Variants in CCNA2 observed in about 807,000 individuals in gnomAD.
CCNA2 encodes cyclin-A2.
Under a neutral mutation model 49.4 loss-of-function variants are expected in CCNA2, and 3 were observed. That is an observed-to-expected ratio of 0.06 (90% CI 0.03 to 0.16). CCNA2 has a LOEUF of 0.16. Among genes scored for constraint, CCNA2 ranks in the 10% least tolerant of loss-of-function variants. The pLI, the probability that CCNA2 is intolerant of heterozygous loss-of-function variation, is 1.00. For missense variants in CCNA2, 372 were observed against 519.7 expected, an observed-to-expected ratio of 0.72 and a Z score of 2.76; for synonymous variants, 206 against 197.2, an observed-to-expected ratio of 1.04 and a Z score of -0.37.
At chr4:121,818,396 C>T (rs1724603109) in intron 6 of CCNA2, among the ~76,000 whole-genome samples, 1 of 152,144 alleles carries the variant, frequency 6.6e-6, no homozygotes, top group Admixed American at 6.5e-5. Flanking sequence ...ACCTTTCAAT[C>T]CAAGTTACAA....
chr4:121,819,633 T>A lies in CCNA2; in HGVS notation c.795-54A>T, dbSNP rs577233575. 125 of 1,228,868 alleles carry A rather than the reference T, an allele frequency of 1.0e-4. 1 individual carries two copies. The South Asian group carries it at 1.5e-3, about 15-fold the overall frequency. The allele number at this position is 1,228,868 out of a possible 1,614,324, so 76.1% of individuals were successfully genotyped here. A position where few individuals can be genotyped will look rare whatever the true frequency, so the allele number is the denominator to read the frequency against. On this transcript the variant is annotated intron_variant, in intron 4 of 7. Transcript: ENST00000274026. The stretch of plus-strand genomic sequence containing the variant: ...GTCCTAAAAGAGAAGCAAGCTTCCT[T>A]ATCCCAGTTCTGAAATCCCATTAGC...
chr4:121,817,028 G>C lies in CCNA2; in HGVS notation c.*610C>G. On this transcript the variant is annotated 3_prime_UTR_variant, in exon 8 of 8. Transcript: ENST00000274026. ...TAATAAACCTTCTGGAGCATTTCTC[G>C]TCTGTTAATTTGCATATAAGCTTCC... is the stretch of plus-strand genomic sequence containing the variant. The C allele has an allele frequency of 1.5e-6, 1 of 669,978 alleles. No individual in the cohort carries two copies. 41.5% of individuals were successfully genotyped at this position (669,978 alleles called of 1,614,324 possible). A position where few individuals can be genotyped will look rare whatever the true frequency, so the allele number is the denominator to read the frequency against.
At chr4:121,821,501 A>G (rs917157221) in intron 2 of CCNA2, among the ~76,000 whole-genome samples, 2 of 152,214 alleles carry the variant, frequency 1.3e-5, no homozygotes, top group African/African-American at 2.4e-5. Context: ...TCTGACATAT[A>G]TAAAGCACAA....
intron 7 of CCNA2, among the ~76,000 whole-genome samples, 154 bp from the exon 8 acceptor site, chr4:121,817,840 C>T (rs3217775): frequency 2.8e-4 from 42 of 152,174 alleles, no homozygotes; most frequent in African/African-American, 9.9e-4. Flanking sequence ...GTCCCTGAAA[C>T]ACACATGCAT....
Position 121,822,647 on chromosome 4 carries a change from C to A in CCNA2, c.214-1G>T. 1 of 1,608,864 alleles carries A rather than the reference C, an allele frequency of 6.2e-7. No individual in the cohort carries two copies. Among genetic ancestry groups the A allele is most frequent in the Non-Finnish European group, 8.5e-7 (1 of 1,178,148 alleles). On this transcript the variant is annotated splice_acceptor_variant, in intron 1 of 7. Coordinates refer to ENST00000274026, the MANE Select transcript of CCNA2 (RefSeq NM_001237.5). LOFTEE classifies it high-confidence loss of function. The stretch of plus-strand genomic sequence containing the variant: ...CAGGAAGATCCTTAAGGGGTGCAAC[C>A]TAAAAAAAAATTAATAACTGGCTTT...
chr4:121,821,326 G>A (rs1724688201), intron 2 of CCNA2, among the ~76,000 whole-genome samples: 1 of 151,346 alleles, frequency 6.6e-6, no homozygotes, highest in South Asian at 2.1e-4. Context: ...ATATTGGTAG[G>A]CCCCTAACAG....
chr4:121,818,672 CTATA>C (rs1168327960), intron 6 of CCNA2, 124 bp downstream of exon 6: 5 of 644,376 alleles, frequency 7.8e-6, no homozygotes, highest in Non-Finnish European at 1.4e-5. Flanking sequence ...CAAAGGTCAA[CTATA>C]TATATTTGAA....
chr4:121,817,556 A>G lies in CCNA2; in HGVS notation c.*82T>C. The stretch of plus-strand genomic sequence containing the variant: ...AACTTCTGTATTCAGAAATGATTGT[A>G]AAATTAAAACCTAAGTTAAAAACTG... On this transcript the variant is annotated 3_prime_UTR_variant, in exon 8 of 8. Transcript: ENST00000274026. 1 of 1,543,938 alleles carries G rather than the reference A, an allele frequency of 6.5e-7. No individual in the cohort carries two copies. Among genetic ancestry groups the G allele is most frequent in the Non-Finnish European group, 8.8e-7 (1 of 1,132,236 alleles).
chr4:121,823,248 G>A (rs200796080), intron 1 of CCNA2, among the ~76,000 whole-genome samples, 168 bp downstream of exon 1: 1 of 152,122 alleles, frequency 6.6e-6, no homozygotes, highest in Admixed American at 6.5e-5. Context: ...ATGCTAATAT[G>A]GGAGAACTCC....
In CCNA2 at chr4:121,820,438, ACT is replaced by A; in HGVS notation, c.794+102_794+103del. On this transcript the variant is annotated intron_variant, in intron 4 of 7. Transcript: ENST00000274026. The surrounding 1 kb of genome is among the most constrained non-coding windows in gnomAD (Gnocchi z 4.1). ...GCACATTGCCATCCCTAAAGTAGTCACTGACTCTGCCTGGTGTATGTTAAAAG... is the reference window on the plus strand; with the variant it reads ...GCACATTGCCATCCCTAAAGTAGTCAGACTCTGCCTGGTGTATGTTAAAAG... The A allele has an allele frequency of 1.3e-6, 1 of 757,312 alleles. No homozygotes were observed. Among genetic ancestry groups the A allele is most frequent in the Non-Finnish European group, 2.2e-6 (1 of 455,278 alleles). 46.9% of individuals were successfully genotyped at this position (757,312 alleles called of 1,614,324 possible).
intron 7 of CCNA2, 137 bp from the exon 8 acceptor site, chr4:121,817,823 C>A: frequency 7.9e-7 from 1 of 1,266,546 alleles, no homozygotes; most frequent in African/African-American, 1.5e-5. Context: ...TTTAGAAACA[C>A]TGTCTGGTCC....
Position 121,820,777 on chromosome 4 carries a change from ATTAT to A in CCNA2, c.571-16_571-13del, listed in dbSNP as rs1411799320. On this transcript the variant is annotated splice_polypyrimidine_tract_variant and intron_variant, in intron 3 of 7. Transcript: ENST00000274026. The surrounding 1 kb of genome is among the most constrained non-coding windows in gnomAD (Gnocchi z 4.1). ...GGTTTACATTTAACCTATTGAGAAA[ATTAT>A]TTATAGTGTTAAAATTATTCTAGTG... 2 of 1,552,988 alleles carry A rather than the reference ATTAT, an allele frequency of 1.3e-6. No individual in the cohort carries two copies. Among genetic ancestry groups the A allele is most frequent in the South Asian group, 2.3e-5 (2 of 86,926 alleles).
At chr4:121,819,008 G>A (rs1390492445) in intron 5 of CCNA2, 95 bp from the exon 6 acceptor site, 4 of 723,036 alleles carry the variant, frequency 5.5e-6, no homozygotes, top group South Asian at 1.6e-5. Context: ...CTTTGATAAC[G>A]GCTCTGTAGC....
At position 121,817,673 on chromosome 4, in the gene CCNA2, A is replaced by G. The variant is rs1724577013; in HGVS notation, c.1264T>C (p.Ser422Pro). The G allele has an allele frequency of 6.2e-7, 1 of 1,614,018 alleles. No individual in the cohort carries two copies. Among genetic ancestry groups the G allele is most frequent in the East Asian group, 2.2e-5 (1 of 44,868 alleles). The part of the protein sequence containing the change: ...KYKNSKYHGV[S>P]LLNPPETLNL ...AGTGTCTCTGGTGGGTTGAGGAGAG[A>G]AACACCATGATACCTGTAAGTAGGG... Residue 422 changes from serine to proline, a missense_variant, in exon 8 of 8, where the codon TCT (serine) becomes CCT (proline). Ser to Pro is a moderately conservative substitution (Grantham distance 74). Around this residue, in one of 2 missense-constraint regions of CCNA2, gnomAD observed 155 missense variants for 288.1 expected, o/e 0.54. Coordinates refer to ENST00000274026, the MANE Select transcript of CCNA2 (RefSeq NM_001237.5).
rs188678368 is a variant in CCNA2 at position 121,820,194 on chromosome 4, G to A, written c.794+348C>T. On this transcript the variant is annotated intron_variant, in intron 4 of 7. Transcript: ENST00000274026. The surrounding 1 kb of genome is among the most constrained non-coding windows in gnomAD (Gnocchi z 4.1). ...GACCTCAAGTGATCCGCCCACCTCGGCCTCCCAAAGTGCTGGGATTACAGG... is the reference window on the plus strand; with the variant it reads ...GACCTCAAGTGATCCGCCCACCTCGACCTCCCAAAGTGCTGGGATTACAGG... Among the ~76,000 whole-genome samples the A allele has an allele frequency of 1.5e-3, 233 of 152,270 alleles. No homozygotes were observed. The highest frequency in any genetic ancestry group is 2.7e-3 in the Non-Finnish European group (183 of 68,012).
At chr4:121,818,412 C>T (rs1177332418) in intron 6 of CCNA2, among the ~76,000 whole-genome samples, 6 of 152,148 alleles carry the variant, frequency 3.9e-5, no homozygotes, top group Admixed American at 6.5e-5. Context: ...TACAACTAAG[C>T]TTACTACCTA....
rs943689474 is a variant in CCNA2 at position 121,823,741 on chromosome 4, G to A, written c.-113C>T. On this transcript the variant is annotated 5_prime_UTR_variant, in exon 1 of 8. Transcript: ENST00000274026. ...CAAAGAATAGTCGTAGCCGCCGGTCGCAGCCCAGGCCAGCCTACCAGCCCG... is the reference window on the plus strand; with the variant it reads ...CAAAGAATAGTCGTAGCCGCCGGTCACAGCCCAGGCCAGCCTACCAGCCCG... 14 of 1,447,136 alleles carry A rather than the reference G, an allele frequency of 9.7e-6. No homozygotes were observed. In the African/African-American group the frequency reaches 1.8e-4, roughly 19 times the overall value. 89.6% of individuals were successfully genotyped at this position (1,447,136 alleles called of 1,614,324 possible). A position where few individuals can be genotyped will look rare whatever the true frequency, so the allele number is the denominator to read the frequency against.
In CCNA2 at chr4:121,816,982, T is replaced by G. The variant is rs534409022; in HGVS notation, c.*656A>C. 1.0e-4 allele frequency: 99 copies of G among 967,956 alleles called. No individual in the cohort carries two copies. Among genetic ancestry groups the G allele is most frequent in the Non-Finnish European group, 1.3e-4 (89 of 689,700 alleles). The allele number at this position is 967,956 out of a possible 1,614,324, so 60.0% of individuals were successfully genotyped here. ...TAGCAGGATTTTAAAAATAGTTTTT[T>G]GTTTTTAATGTGCTTTAAAATAATA... On this transcript the variant is annotated 3_prime_UTR_variant, in exon 8 of 8. Coordinates refer to ENST00000274026, the MANE Select transcript of CCNA2 (RefSeq NM_001237.5).
At position 121,816,612 on chromosome 4, in the gene CCNA2, A is replaced by C; in HGVS notation, c.*1026T>G. The C allele has an allele frequency of 1.2e-6, 1 of 836,974 alleles. No individual in the cohort carries two copies. The highest frequency in any genetic ancestry group is 1.8e-6 in the Non-Finnish European group (1 of 559,214). The allele number at this position is 836,974 out of a possible 1,614,324, so 51.8% of individuals were successfully genotyped here. A position where few individuals can be genotyped will look rare whatever the true frequency, so the allele number is the denominator to read the frequency against. ...TGATTTTTTTACCTTGTGATTTATA[A>C]AAATTAGGACCTAAATCTATAATAT... On this transcript the variant is annotated 3_prime_UTR_variant, in exon 8 of 8. Coordinates refer to ENST00000274026, the MANE Select transcript of CCNA2 (RefSeq NM_001237.5).
Sources: allele counts gnomAD v4.1 joint callset (sites outside exome capture counted in the v4.1 genomes callset), GRCh38; gene constraint gnomAD v4.1.1; regional missense constraint gnomAD v4.1.1; non-coding constraint Gnocchi (gnomAD v3.1); transcripts MANE v1.5; gene names NCBI Gene and HGNC (gene_info 2026-07-23, HGNC 2026-07-21).